SORCS3: variants seen among roughly 807,000 people sequenced by gnomAD.
SORCS3 encodes sortilin related VPS10 domain containing receptor 3, also known as VPS10 domain-containing receptor SorCS3.
Under a neutral mutation model 146.3 loss-of-function variants are expected in SORCS3, and 57 were observed. The ratio of observed to expected loss-of-function variants is 0.39; its 90% CI spans 0.31 to 0.49. SORCS3 has a LOEUF of 0.49. SORCS3 is among the 20% of genes least tolerant of loss of function. The pLI, the probability that SORCS3 is intolerant of heterozygous loss-of-function variation, is 0.92. For missense variants in SORCS3, 1,341 were observed against 1,575.5 expected (o/e 0.85, Z 2.52); for synonymous variants, 653 against 618.5 (o/e 1.06, Z -0.83).
chr10:105,245,919 C>T (rs866058145), intron 21 of SORCS3, among the ~76,000 whole-genome samples: 1 of 152,156 alleles, frequency 6.6e-6, no homozygotes, highest in Non-Finnish European at 1.5e-5. Flanking sequence ...TAGACAAAGA[C>T]ACGTATCACA....
intron 4 of SORCS3, among the ~76,000 whole-genome samples, chr10:105,042,850 G>A (rs2055346277): frequency 6.6e-6 from 1 of 152,126 alleles, no homozygotes; most frequent in African/African-American, 2.4e-5. Context: ...AAAAGTATCA[G>A]TTGATTGGAT....
chr10:105,190,428 C>T (rs751841543), intron 14 of SORCS3, among the ~76,000 whole-genome samples: 10 of 152,292 alleles, frequency 6.6e-5, no homozygotes, highest in South Asian at 4.1e-4. Flanking sequence ...ATTTTTGAGA[C>T]GGAGTCTCGC....
intron 16 of SORCS3, among the ~76,000 whole-genome samples, chr10:105,201,729 A>G (rs1022045478): frequency 6.6e-6 from 1 of 151,938 alleles, no homozygotes; most frequent in East Asian, 1.9e-4. Context: ...CCTATAGACA[A>G]TTACTCCCAA....
intron 1 of SORCS3, among the ~76,000 whole-genome samples, chr10:104,677,524 C>T (rs546716928): frequency 6.6e-6 from 1 of 152,174 alleles, no homozygotes; most frequent in Non-Finnish European, 1.5e-5. Context: ...GCCCAGGAAC[C>T]TGGTGCATTT....
chr10:104,915,514 G>A (rs2019016192), intron 2 of SORCS3, among the ~76,000 whole-genome samples: 1 of 144,996 alleles, frequency 6.9e-6, no homozygotes, highest in African/African-American at 2.5e-5. Context: ...ACACAGAGCT[G>A]GGGTGGGGGG....
chr10:105,214,365 AACAC>A, intron 17 of SORCS3, 73 bp from the exon 18 acceptor site: 66 of 1,430,830 alleles, frequency 4.6e-5, no homozygotes, highest in Middle Eastern at 1.8e-4. Context: ...TTCCCTTTAT[AACAC>A]ACACACACAC....
chr10:104,710,120 C>T (rs1022031680), intron 1 of SORCS3, among the ~76,000 whole-genome samples: 1 of 152,034 alleles, frequency 6.6e-6, no homozygotes, highest in Admixed American at 6.6e-5. Context: ...ACATTCTAAT[C>T]GAATGATGGA....
chr10:105,037,356 A>G (rs1387232160), intron 4 of SORCS3, among the ~76,000 whole-genome samples: 1 of 152,196 alleles, frequency 6.6e-6, no homozygotes, highest in Non-Finnish European at 1.5e-5. Flanking sequence ...AGCTGCTGTG[A>G]CAAAGCCCCA....
chr10:105,041,434 C>T (rs1367414061), intron 4 of SORCS3, among the ~76,000 whole-genome samples: 2 of 146,552 alleles, frequency 1.4e-5, no homozygotes, highest in Non-Finnish European at 1.5e-5. Context: ...TATACACACA[C>T]ATATATATAA....
intron 1 of SORCS3, among the ~76,000 whole-genome samples, chr10:104,674,858 GTATA>G (rs1319963643): frequency 6.6e-6 from 1 of 152,064 alleles, no homozygotes; most frequent in Non-Finnish European, 1.5e-5. Flanking sequence ...TTTCTCCATA[GTATA>G]GGAATATATC....
At chr10:105,002,870 G>A (rs1436145513) in intron 4 of SORCS3, among the ~76,000 whole-genome samples, 1 of 152,138 alleles carries the variant, frequency 6.6e-6, no homozygotes, top group Non-Finnish European at 1.5e-5. Context: ...AGCACAATTG[G>A]AACAGCAAAA....
At chr10:104,657,195 C>T (rs756095476) in intron 1 of SORCS3, among the ~76,000 whole-genome samples, 3 of 152,130 alleles carry the variant, frequency 2.0e-5, no homozygotes, top group African/African-American at 4.8e-5. Flanking sequence ...TAGTACATAG[C>T]CATTCCCAGC....
chr10:105,043,245 C>A, intron 5 of SORCS3, 117 bp downstream of exon 5: 1 of 871,140 alleles, frequency 1.1e-6, no homozygotes, highest in Non-Finnish European at 1.9e-6. Flanking sequence ...CAGTCCTTTG[C>A]TACACAGAGT....
chr10:105,166,782 A>C (rs1442985704), intron 12 of SORCS3, among the ~76,000 whole-genome samples: 2 of 152,312 alleles, frequency 1.3e-5, no homozygotes, highest in South Asian at 4.1e-4. Context: ...TAGTTTTACC[A>C]TAGTGGGTAG....
At chr10:104,818,830 T>C (rs929063576) in intron 1 of SORCS3, among the ~76,000 whole-genome samples, 1 of 152,034 alleles carries the variant, frequency 6.6e-6, no homozygotes, top group African/African-American at 2.4e-5. Context: ...TCTAAGCTGG[T>C]GTGTAGGGAT....
At chr10:104,671,325 C>CTTTTTTTTTTTTTTTTCTTTT (rs2015850295) in intron 1 of SORCS3, among the ~76,000 whole-genome samples, 1 of 19,194 alleles carries the variant, frequency 5.2e-5, no homozygotes, top group Non-Finnish European at 8.9e-5. Flanking sequence ...CATTCTTTTC[C>CTTTTTTTTTTTTTTTTCTTTT]TTTTTTTTTT....
At chr10:104,895,934 C>T (rs2018793602) in intron 2 of SORCS3, among the ~76,000 whole-genome samples, 1 of 152,154 alleles carries the variant, frequency 6.6e-6, no homozygotes, top group Non-Finnish European at 1.5e-5. Context: ...TTGTTTTTCC[C>T]TCCAATGGGA....
intron 4 of SORCS3, among the ~76,000 whole-genome samples, chr10:105,003,980 C>T (rs1217326314): frequency 7.2e-6 from 1 of 138,934 alleles, no homozygotes; most frequent in African/African-American, 2.7e-5. Context: ...CCTTTCCCCT[C>T]CTTTTTTTCT....
At chr10:105,056,419 C>T (rs1046129230) in intron 5 of SORCS3, among the ~76,000 whole-genome samples, 26 of 152,018 alleles carry the variant, frequency 1.7e-4, no homozygotes, top group Admixed American at 1.6e-3. Context: ...AAGTTTGTGT[C>T]GAGGAGCAAT....
Sources: gnomAD v4.1 joint callset for allele counts (sites outside exome capture counted in the v4.1 genomes callset) on GRCh38, gnomAD v4.1.1 for gene constraint, MANE v1.5 for transcripts, NCBI Gene and HGNC (gene_info 2026-07-23, HGNC 2026-07-21) for gene names.